Variants in TRHDE observed in about 807,000 individuals in gnomAD.
The protein encoded by TRHDE is thyrotropin-releasing hormone-degrading ectoenzyme.
In TRHDE, 72 loss-of-function variants were observed where a neutral mutation model predicts 125.7. The ratio of observed to expected loss-of-function variants is 0.57; its 90% CI spans 0.47 to 0.70. TRHDE has a LOEUF of 0.70. Ranked by LOEUF, TRHDE falls within the 30% of genes least tolerant of loss-of-function variation. The pLI is 0.00. For synonymous variants in TRHDE, 509 were observed against 509.1 expected, an observed-to-expected ratio of 1.00 and a Z score of 0.00; for missense variants, 1,110 against 1,327.1, an observed-to-expected ratio of 0.84 and a Z score of 2.54.
At chr12:72,439,148 T>C (rs901458544) in intron 3 of TRHDE, among the ~76,000 whole-genome samples, 2 of 152,018 alleles carry the variant, frequency 1.3e-5, no homozygotes, top group Non-Finnish European at 2.9e-5. Flanking sequence ...TTCTGCTTAA[T>C]TGGTCTATGG....
At chr12:72,342,172 G>T (rs1870114768) in intron 2 of TRHDE, among the ~76,000 whole-genome samples, 1 of 151,978 alleles carries the variant, frequency 6.6e-6, no homozygotes, top group Non-Finnish European at 1.5e-5. Context: ...GTTATATTTT[G>T]ATTCTATTCA....
chr12:72,419,005 T>A (rs370625094), intron 3 of TRHDE, among the ~76,000 whole-genome samples: 144 of 152,198 alleles, frequency 9.5e-4, no homozygotes, highest in African/African-American at 3.1e-3. Context: ...GAATGAGTAG[T>A]AGTACTGCTA....
intron 2 of TRHDE, among the ~76,000 whole-genome samples, chr12:72,150,976 C>T (rs11179090): frequency 0.071 from 10,851 of 151,876 alleles, 651 homozygotes; most frequent in African/African-American, 0.15. Context: ...ATCGCCACAC[C>T]GACTTCCACA....
upstream of TRHDE, chr12:72,272,308 G>C (rs1879252450): frequency 2.8e-6 from 1 of 359,220 alleles, no homozygotes; most frequent in Non-Finnish European, 5.5e-6. The surrounding 1 kb of genome is among the most constrained non-coding windows in gnomAD (Gnocchi z 6.7). Context: ...GGGAGGGAGA[G>C]CCGGGAGCCG....
chr12:72,662,988 G>A (rs1211339761), intron 18 of TRHDE, 64 bp from the exon 19 acceptor site: 2 of 1,494,936 alleles, frequency 1.3e-6, no homozygotes, highest in African/African-American at 1.4e-5. Context: ...TCTTGTTCAT[G>A]TTTGTTGGAC....
intron 12 of TRHDE, among the ~76,000 whole-genome samples, chr12:72,586,973 T>A (rs992981978): frequency 2.0e-5 from 3 of 152,080 alleles, no homozygotes; most frequent in Admixed American, 6.6e-5. Flanking sequence ...GGGAATGCTG[T>A]CAAAAATGCC....
intron 5 of TRHDE, among the ~76,000 whole-genome samples, chr12:72,493,997 A>G (rs564279145): frequency 3.9e-5 from 6 of 152,178 alleles, no homozygotes; most frequent in African/African-American, 1.4e-4. Context: ...CTACTTCTAT[A>G]GCCTTTGCAA....
intron 5 of TRHDE, 121 bp from the exon 6 acceptor site, chr12:72,499,377 G>T: frequency 7.8e-7 from 1 of 1,289,632 alleles, no homozygotes; most frequent in Non-Finnish European, 1.1e-6. Context: ...TTAGAGTTGA[G>T]TCATGCCTTG....
intron 2 of TRHDE, among the ~76,000 whole-genome samples, chr12:72,238,729 T>C (rs1341452567): frequency 6.6e-6 from 1 of 152,164 alleles, no homozygotes; most frequent in East Asian, 1.9e-4. Flanking sequence ...GAACTCATCC[T>C]TTTTTATGGC....
chr12:72,110,238 T>C (rs1875285239), intron 2 of TRHDE, among the ~76,000 whole-genome samples: 1 of 152,072 alleles, frequency 6.6e-6, no homozygotes, highest in South Asian at 2.1e-4. Context: ...TAAAACTTGA[T>C]TACTCCAAGC....
At chr12:72,347,598 C>A (rs1288631992) in intron 2 of TRHDE, among the ~76,000 whole-genome samples, 1 of 152,020 alleles carries the variant, frequency 6.6e-6, no homozygotes, top group Non-Finnish European at 1.5e-5. Context: ...TTCCAAGTTA[C>A]TAATGTGGTT....
intron 2 of TRHDE, among the ~76,000 whole-genome samples, chr12:72,187,089 C>T (rs1334903849): frequency 4.6e-5 from 7 of 152,066 alleles, no homozygotes; most frequent in African/African-American, 1.7e-4. Flanking sequence ...AGAATTTTGA[C>T]ATTCAGTACA....
chr12:72,597,729 A>G (rs11179274), intron 12 of TRHDE, among the ~76,000 whole-genome samples: 84 of 7,516 alleles, frequency 0.011, 6 homozygotes, highest in African/African-American at 0.029. Flanking sequence ...ATATATATAT[A>G]TATATATATA....
chr12:72,218,297 A>G (rs1447910763), intron 2 of TRHDE, among the ~76,000 whole-genome samples: 6 of 152,184 alleles, frequency 3.9e-5, no homozygotes, highest in South Asian at 2.1e-4. Context: ...GCTTATGGCT[A>G]TGTATGATTA....
chr12:72,604,287 G>A (rs1440073922), intron 12 of TRHDE, among the ~76,000 whole-genome samples: 1 of 152,042 alleles, frequency 6.6e-6, no homozygotes, highest in Non-Finnish European at 1.5e-5. Flanking sequence ...AATTCTCTTT[G>A]AAATAATCAA....
chr12:72,335,185 A>G (rs4131476), intron 2 of TRHDE, among the ~76,000 whole-genome samples: 112,698 of 151,912 alleles, frequency 0.74, 42,251 homozygotes, highest in African/African-American at 0.8. Flanking sequence ...AAAATTATAA[A>G]AATTCACTAC....
At chr12:72,503,738 C>T (rs1398277536) in intron 6 of TRHDE, among the ~76,000 whole-genome samples, 2 of 152,112 alleles carry the variant, frequency 1.3e-5, no homozygotes, top group Non-Finnish European at 2.9e-5. Context: ...TTAAGATATG[C>T]TAAGACTCAT....
intron 3 of TRHDE, among the ~76,000 whole-genome samples, chr12:72,406,148 T>C (rs1873256595): frequency 1.3e-5 from 2 of 152,172 alleles, no homozygotes; most frequent in South Asian, 4.1e-4. Flanking sequence ...TCAAATACTG[T>C]GTTTACAAAG....
chr12:72,171,092 G>A (rs950582740), intron 2 of TRHDE, among the ~76,000 whole-genome samples: 1 of 152,108 alleles, frequency 6.6e-6, no homozygotes, highest in East Asian at 1.9e-4. Flanking sequence ...GCCCTTTTCA[G>A]TGTGCCTATT....
Sources: allele counts gnomAD v4.1 joint callset (sites outside exome capture counted in the v4.1 genomes callset), GRCh38; gene constraint gnomAD v4.1.1; non-coding constraint Gnocchi (gnomAD v3.1); transcripts MANE v1.5; gene names NCBI Gene and HGNC (gene_info 2026-07-23, HGNC 2026-07-21).